Variants in DTD1 observed in about 807,000 individuals in gnomAD.
DTD1 encodes the protein D-aminoacyl-tRNA deacylase 1, also known as D-tyrosyl-tRNA deacylase 1 homolog.
In DTD1, 13 loss-of-function variants were observed where a neutral mutation model predicts 25.6. The observed-to-expected ratio is 0.51, with a 90% CI of 0.33 to 0.81. DTD1 has a LOEUF of 0.81. Ranked by LOEUF, DTD1 falls within the 30% of genes least tolerant of loss-of-function variation. The pLI, the probability that DTD1 is intolerant of heterozygous loss-of-function variation, is 0.02. For synonymous variants in DTD1, 110 were observed against 103.6 expected, an observed-to-expected ratio of 1.06 and a Z score of -0.37; for missense variants, 193 against 266.4, an observed-to-expected ratio of 0.72 and a Z score of 1.92.
chr20:18,618,211 T>A (rs182028403), intron 3 of DTD1, among the ~76,000 whole-genome samples: 2 of 152,216 alleles, frequency 1.3e-5, no homozygotes, highest in Non-Finnish European at 2.9e-5. Flanking sequence ...TATTTTGAAC[T>A]TCTAGAATTT....
At chr20:18,633,744 G>T (rs1185031897) in intron 4 of DTD1, among the ~76,000 whole-genome samples, 1 of 152,208 alleles carries the variant, frequency 6.6e-6, no homozygotes, top group Admixed American at 6.5e-5. Flanking sequence ...CTTCAAATAA[G>T]GGTAGATTCT....
At chr20:18,589,582 A>C (rs1250520986) in intron 1 of DTD1, among the ~76,000 whole-genome samples, 1 of 152,212 alleles carries the variant, frequency 6.6e-6, no homozygotes, top group East Asian at 1.9e-4. Context: ...TAAAGCTTTT[A>C]TAACATTTCT....
At chr20:18,656,416 C>T (rs2060891805) in intron 4 of DTD1, among the ~76,000 whole-genome samples, 1 of 152,202 alleles carries the variant, frequency 6.6e-6, no homozygotes, top group African/African-American at 2.4e-5. Context: ...TGGCAAGAGT[C>T]TCCTCCATCT....
intron 5 of DTD1, among the ~76,000 whole-genome samples, chr20:18,761,697 A>G (rs911262826): frequency 6.6e-5 from 10 of 152,244 alleles, no homozygotes; most frequent in African/African-American, 2.4e-4. Context: ...GTTCAAAAAC[A>G]AAGATTTTAA....
At chr20:18,740,669 T>A in intron 4 of DTD1, among the ~76,000 whole-genome samples, 1 of 152,348 alleles carries the variant, frequency 6.6e-6, no homozygotes, top group Middle Eastern at 3.4e-3. Context: ...ATTGCTTAAT[T>A]TTTTAAATTA....
At chr20:18,718,591 T>C (rs1298635027) in intron 4 of DTD1, among the ~76,000 whole-genome samples, 6 of 152,268 alleles carry the variant, frequency 3.9e-5, no homozygotes, top group African/African-American at 1.4e-4. Context: ...TGCAATGCTA[T>C]ATAGATTATA....
intron 5 of DTD1, among the ~76,000 whole-genome samples, chr20:18,750,294 T>A (rs917200226): frequency 6.6e-6 from 1 of 152,160 alleles, no homozygotes; most frequent in Admixed American, 6.5e-5. Context: ...TATTCAGATA[T>A]CTATGAGAGC....
At chr20:18,710,732 G>T (rs944914009) in intron 4 of DTD1, among the ~76,000 whole-genome samples, 1 of 152,162 alleles carries the variant, frequency 6.6e-6, no homozygotes, top group African/African-American at 2.4e-5. Flanking sequence ...CTTAAATGCA[G>T]GTGGCTGACA....
intron 5 of DTD1, among the ~76,000 whole-genome samples, chr20:18,762,070 C>G: frequency 6.6e-6 from 1 of 152,190 alleles, no homozygotes; most frequent in Non-Finnish European, 1.5e-5. Flanking sequence ...TTGCCTTTCT[C>G]ATGTGTGCAC....
chr20:18,724,617 TACA>T (rs1395368256), intron 4 of DTD1, among the ~76,000 whole-genome samples: 1 of 152,246 alleles, frequency 6.6e-6, no homozygotes, highest in Non-Finnish European at 1.5e-5. Flanking sequence ...AATATCACCT[TACA>T]ACTCAGCCAT....
chr20:18,658,191 G>C (rs956056541), intron 4 of DTD1, among the ~76,000 whole-genome samples: 3 of 33,758 alleles, frequency 8.9e-5, no homozygotes, highest in Admixed American at 4.9e-4. Flanking sequence ...AGTCTGAGAT[G>C]TGTGTGTGTG....
intron 3 of DTD1, among the ~76,000 whole-genome samples, chr20:18,626,518 T>A (rs538132902): frequency 1.3e-5 from 2 of 152,212 alleles, no homozygotes; most frequent in Non-Finnish European, 2.9e-5. Flanking sequence ...ACTTAATATT[T>A]AAGAACAACT....
chr20:18,685,554 T>C (rs1481542370), intron 4 of DTD1, among the ~76,000 whole-genome samples: 1 of 152,176 alleles, frequency 6.6e-6, no homozygotes, highest in Non-Finnish European at 1.5e-5. Context: ...TCGCTCCAGC[T>C]TCAGTGGCTC....
intron 4 of DTD1, among the ~76,000 whole-genome samples, chr20:18,664,446 A>T (rs756342235): frequency 6.6e-6 from 1 of 151,962 alleles, no homozygotes; most frequent in Non-Finnish European, 1.5e-5. Flanking sequence ...CTGCTTTCTG[A>T]TGGTATTGGC....
At chr20:18,598,313 CT>C (rs1167761491) in intron 3 of DTD1, among the ~76,000 whole-genome samples, 1 of 152,098 alleles carries the variant, frequency 6.6e-6, no homozygotes, top group African/African-American at 2.4e-5. Flanking sequence ...TGAACTCATC[CT>C]TTTTTATGGC....
chr20:18,744,559 G>C (rs1256725277), intron 5 of DTD1, among the ~76,000 whole-genome samples: 1 of 145,834 alleles, frequency 6.9e-6, no homozygotes, highest in African/African-American at 2.5e-5. Flanking sequence ...AAGGCAAAAG[G>C]CATTTCTTAC....
chr20:18,608,431 G>A (rs1278147491), intron 3 of DTD1, among the ~76,000 whole-genome samples: 1 of 150,558 alleles, frequency 6.6e-6, no homozygotes, highest in Non-Finnish European at 1.5e-5. Flanking sequence ...TTTAGTATAT[G>A]TGCTGCTGAA....
intron 4 of DTD1, among the ~76,000 whole-genome samples, chr20:18,688,668 G>C (rs1400550979): frequency 6.6e-6 from 1 of 152,036 alleles, no homozygotes; most frequent in Non-Finnish European, 1.5e-5. Context: ...TTCTATACTA[G>C]ATTGCCAAGT....
rs5001588 is a variant in DTD1 at position 18,741,897 on chromosome 20, A to T, written c.478-2203A>T. 4.5e-3 allele frequency among the ~76,000 whole-genome samples: 399 copies of T among 88,456 alleles called. 48 individuals carry two copies. The highest frequency in any genetic ancestry group is 0.011 in the East Asian group (17 of 1,596). The allele number at this position is 88,456 out of a possible 152,430, so 58.0% of individuals were successfully genotyped here. On this transcript the variant is annotated intron_variant, in intron 4 of 5. Transcript: ENST00000377452. The stretch of plus-strand genomic sequence containing the variant: ...GCCACCACGCCTGGCTAACCTTTGT[A>T]TTTTTTTTTTTTTTTTTTTTTTGTA...
Sources: gnomAD v4.1 joint callset for allele counts (sites outside exome capture counted in the v4.1 genomes callset) on GRCh38, gnomAD v4.1.1 for gene constraint, MANE v1.5 for transcripts, NCBI Gene and HGNC (gene_info 2026-07-23, HGNC 2026-07-21) for gene names.